The following PHF24 variants were observed in gnomAD, a reference collection of about 807,000 sequenced individuals.
The protein encoded by PHF24 is PHD finger protein 24.
A neutral mutation model predicts 42.6 loss-of-function variants in PHF24; 25 were observed. The ratio of observed to expected loss-of-function variants is 0.59; its 90% CI spans 0.43 to 0.82. The LOEUF (loss-of-function observed/expected upper bound fraction) is 0.82. Among genes scored for constraint, PHF24 ranks in the 40% least tolerant of loss-of-function variants. PHF24 has a pLI of 0.00. For missense variants in PHF24, 470 were observed against 538.1 expected (o/e 0.87, Z 1.25); for synonymous variants, 185 against 204.8 (o/e 0.90, Z 0.83).
At chr9:34,923,153 A>G in the PHF24 span, among the ~76,000 whole-genome samples, 1 of 151,444 alleles carries the variant, frequency 6.6e-6, no homozygotes, top group African/African-American at 2.4e-5. Flanking sequence ...TTCTGTTGAT[A>G]TGATGTATCA....
At chr9:34,867,304 C>G in the PHF24 span, among the ~76,000 whole-genome samples, 1 of 152,182 alleles carries the variant, frequency 6.6e-6, no homozygotes, top group Non-Finnish European at 1.5e-5. Flanking sequence ...TTATTACACC[C>G]CATGTAAATC....
chr9:34,724,776 C>T, the PHF24 span: 2 of 1,551,684 alleles, frequency 1.3e-6, no homozygotes, highest in Non-Finnish European at 8.7e-7. Flanking sequence ...AGAGGCTCTG[C>T]TGGGATTTCC....
chr9:34,839,992 C>T, the PHF24 span, among the ~76,000 whole-genome samples: 1 of 152,018 alleles, frequency 6.6e-6, no homozygotes, highest in Non-Finnish European at 1.5e-5. Flanking sequence ...AAACGCAGAA[C>T]CCCAAGGAAT....
the PHF24 span, among the ~76,000 whole-genome samples, chr9:34,898,655 T>A: frequency 6.6e-6 from 1 of 152,282 alleles, no homozygotes; most frequent in South Asian, 2.1e-4. Flanking sequence ...TAGTAGCAGG[T>A]CATCAACATA....
the PHF24 span, among the ~76,000 whole-genome samples, chr9:34,779,425 G>A: frequency 6.6e-5 from 10 of 152,124 alleles, no homozygotes; most frequent in African/African-American, 1.9e-4. Context: ...TTGTTAAGAC[G>A]GCAATGCTCC....
the PHF24 span, among the ~76,000 whole-genome samples, chr9:34,734,710 G>A: frequency 1.3e-5 from 2 of 152,198 alleles, no homozygotes; most frequent in African/African-American, 4.8e-5. Context: ...TCCAGCTGGG[G>A]GTGGCATAGG....
At chr9:34,834,847 G>C in the PHF24 span, 2 of 1,531,408 alleles carry the variant, frequency 1.3e-6, no homozygotes, top group East Asian at 4.9e-5. Flanking sequence ...GGGCTGACTG[G>C]GGTGAAGTTT....
At chr9:34,742,351 G>GA in the PHF24 span, among the ~76,000 whole-genome samples, 2 of 152,144 alleles carry the variant, frequency 1.3e-5, no homozygotes, top group African/African-American at 4.8e-5. Context: ...ATAGCATGGG[G>GA]AGGGGACCAA....
chr9:34,682,438 G>T, the PHF24 span, among the ~76,000 whole-genome samples: 1 of 151,664 alleles, frequency 6.6e-6, no homozygotes, highest in Non-Finnish European at 1.5e-5. Flanking sequence ...TCTGTCTTTC[G>T]GGGGGGTGAA....
At chr9:34,867,558 G>A in the PHF24 span, among the ~76,000 whole-genome samples, 1 of 152,224 alleles carries the variant, frequency 6.6e-6, no homozygotes, top group Non-Finnish European at 1.5e-5. Flanking sequence ...CTAAGGAACA[G>A]CCAGTCACTG....
chr9:34,757,666 G>A, the PHF24 span, among the ~76,000 whole-genome samples: 1 of 151,982 alleles, frequency 6.6e-6, no homozygotes, highest in Non-Finnish European at 1.5e-5. Flanking sequence ...GGTTCTAGGT[G>A]GATGCAAAAG....
At chr9:34,868,914 C>A in the PHF24 span, among the ~76,000 whole-genome samples, 1 of 152,176 alleles carries the variant, frequency 6.6e-6, no homozygotes, top group African/African-American at 2.4e-5. Flanking sequence ...CCTCTCCCAG[C>A]CCTGCATGAC....
At chr9:34,696,330 A>G in the PHF24 span, among the ~76,000 whole-genome samples, 1 of 152,056 alleles carries the variant, frequency 6.6e-6, no homozygotes, top group Non-Finnish European at 1.5e-5. Flanking sequence ...TCTACTAAAA[A>G]TACAAAAATT....
chr9:34,824,023 A>G, the PHF24 span, among the ~76,000 whole-genome samples: 5 of 152,154 alleles, frequency 3.3e-5, no homozygotes, highest in South Asian at 1.0e-3. Flanking sequence ...GAGTCTGGAA[A>G]TCCCCACATT....
the PHF24 span, among the ~76,000 whole-genome samples, chr9:34,915,694 A>G: frequency 6.6e-6 from 1 of 152,188 alleles, no homozygotes; most frequent in African/African-American, 2.4e-5. Context: ...TATAATGACT[A>G]GGAACCATGG....
the PHF24 span, among the ~76,000 whole-genome samples, chr9:34,841,868 CAA>C: frequency 3.3e-5 from 5 of 152,152 alleles, no homozygotes; most frequent in South Asian, 2.1e-4. Context: ...AAAAAACAAA[CAA>C]AGAGTGAACA....
At chr9:34,731,253 A>C in the PHF24 span, among the ~76,000 whole-genome samples, 8 of 152,342 alleles carry the variant, frequency 5.3e-5, no homozygotes, top group Admixed American at 5.2e-4. Flanking sequence ...CCATCACCTC[A>C]AGCATTTATC....
the PHF24 span, among the ~76,000 whole-genome samples, chr9:34,739,199 A>G: frequency 6.6e-6 from 1 of 152,268 alleles, no homozygotes; most frequent in African/African-American, 2.4e-5. Flanking sequence ...AAGAAAGTTC[A>G]AGTTAAAACA....
the PHF24 span, among the ~76,000 whole-genome samples, chr9:34,845,907 T>C: frequency 1.3e-5 from 2 of 152,076 alleles, no homozygotes; most frequent in Non-Finnish European, 2.9e-5. Context: ...GTTTCATCCA[T>C]GTCCCTGCAA....
Sources: gnomAD v4.1 joint callset for allele counts (sites outside exome capture counted in the v4.1 genomes callset) on GRCh38, gnomAD v4.1.1 for gene constraint, MANE v1.5 for transcripts, NCBI Gene and HGNC (gene_info 2026-07-23, HGNC 2026-07-21) for gene names.